Variants in NOL4 observed in about 807,000 individuals in gnomAD.
The protein encoded by NOL4 is cancer/testis antigen 125.
NOL4 carries 17 observed loss-of-function variants against 75.9 expected under a neutral mutation model. That is an observed-to-expected ratio of 0.22 (90% confidence interval 0.15 to 0.34). The LOEUF is 0.34. NOL4 is among the 10% of genes least tolerant of loss of function. The pLI is 1.00. For missense variants in NOL4, 614 were observed against 793.5 expected (o/e 0.77, Z 2.72); for synonymous variants, 292 against 289.9 (o/e 1.01, Z -0.07).
intron 6 of NOL4, among the ~76,000 whole-genome samples, chr18:34,000,377 C>CTCTGTTGGGTATTTAGGATTCAACAT (rs1424354125): frequency 6.6e-6 from 1 of 152,168 alleles, no homozygotes; most frequent in African/African-American, 2.4e-5. Flanking sequence ...CGATTCAACA[C>CTCTGTTGGGTATTTAGGATTCAACAT]TCTGTTGGGT....
At chr18:33,931,966 T>G (rs1033491609) in intron 9 of NOL4, among the ~76,000 whole-genome samples, 2 of 152,010 alleles carry the variant, frequency 1.3e-5, no homozygotes, top group Non-Finnish European at 2.9e-5. Flanking sequence ...GTTTAGAAGT[T>G]TACCAGCAGT....
chr18:34,199,874 G>C (rs190544290), intron 1 of NOL4, among the ~76,000 whole-genome samples: 1 of 151,848 alleles, frequency 6.6e-6, no homozygotes, highest in Admixed American at 6.6e-5. Flanking sequence ...AGTTCAGAGA[G>C]GGAAGGAGAG....
intron 6 of NOL4, among the ~76,000 whole-genome samples, chr18:33,969,212 T>C (rs1473506056): frequency 2.0e-5 from 3 of 152,194 alleles, no homozygotes; most frequent in African/African-American, 7.2e-5. Context: ...ACTTAAATCT[T>C]CTCGCAATAT....
intron 1 of NOL4, 27 bp downstream of exon 1, chr18:34,222,963 A>C: frequency 1.9e-6 from 3 of 1,599,794 alleles, no homozygotes; most frequent in Non-Finnish European, 8.5e-7. Flanking sequence ...CCGGCAGACA[A>C]ATAACAGAGG....
intron 1 of NOL4, among the ~76,000 whole-genome samples, chr18:34,213,492 G>A (rs1433724123): frequency 3.3e-5 from 5 of 152,088 alleles, no homozygotes; most frequent in Non-Finnish European, 5.9e-5. Context: ...GTTTCACCAC[G>A]TTGGGCAGGA....
intron 2 of NOL4, among the ~76,000 whole-genome samples, chr18:34,126,861 T>C (rs1027582196): frequency 6.6e-6 from 1 of 152,060 alleles, no homozygotes; most frequent in Non-Finnish European, 1.5e-5. Context: ...AGTTCAAACA[T>C]GAGTGATATT....
intron 2 of NOL4, among the ~76,000 whole-genome samples, chr18:34,110,960 C>T (rs1163798233): frequency 6.6e-6 from 1 of 151,816 alleles, no homozygotes; most frequent in Admixed American, 6.6e-5. Context: ...ACTAGAAAAA[C>T]AATTCAATCA....
At chr18:34,188,488 CCTA>C (rs1232802272) in intron 1 of NOL4, among the ~76,000 whole-genome samples, 4 of 152,168 alleles carry the variant, frequency 2.6e-5, no homozygotes, top group Admixed American at 6.5e-5. Context: ...GTACACCTAA[CCTA>C]CTGAACATCA....
intron 8 of NOL4, among the ~76,000 whole-genome samples, chr18:33,945,126 A>T (rs1480282325): frequency 4.6e-5 from 7 of 151,894 alleles, no homozygotes; most frequent in African/African-American, 1.7e-4. Context: ...GTACATTATT[A>T]GATCTTTTGT....
chr18:33,881,585 C>T (rs1050060191), intron 10 of NOL4, among the ~76,000 whole-genome samples: 2 of 151,282 alleles, frequency 1.3e-5, no homozygotes, highest in African/African-American at 4.8e-5. Flanking sequence ...ACATTCCATG[C>T]TCATGGGTAG....
At chr18:33,927,803 G>A (rs2067434874) in intron 9 of NOL4, among the ~76,000 whole-genome samples, 1 of 151,956 alleles carries the variant, frequency 6.6e-6, no homozygotes, top group South Asian at 2.1e-4. Flanking sequence ...ATGCCCCAAA[G>A]TGCTAAATAA....
intron 5 of NOL4, among the ~76,000 whole-genome samples, chr18:34,021,786 G>T (rs561238186): frequency 6.6e-6 from 1 of 152,158 alleles, no homozygotes; most frequent in South Asian, 2.1e-4. Context: ...AATGGAATAG[G>T]CAAGAGTCTA....
At chr18:33,878,594 T>C (rs2064071344) in intron 10 of NOL4, among the ~76,000 whole-genome samples, 1 of 152,100 alleles carries the variant, frequency 6.6e-6, no homozygotes, top group South Asian at 2.1e-4. Context: ...CTTCCAGCAC[T>C]GTAAACTAAG....
At chr18:34,100,937 T>C (rs2079016832) in intron 4 of NOL4, among the ~76,000 whole-genome samples, 1 of 152,198 alleles carries the variant, frequency 6.6e-6, no homozygotes, top group Non-Finnish European at 1.5e-5. Context: ...AAATGTTTTC[T>C]ACCCACAGTT....
intron 9 of NOL4, 97 bp downstream of exon 9, chr18:33,942,968 A>G (rs2068595033): frequency 3.7e-6 from 3 of 806,460 alleles, no homozygotes; most frequent in Middle Eastern, 4.7e-4. Context: ...GTGTACTTTA[A>G]ATCCATTCAA....
intron 1 of NOL4, among the ~76,000 whole-genome samples, chr18:34,144,586 T>A (rs1026595157): frequency 3.3e-5 from 5 of 152,160 alleles, no homozygotes; most frequent in African/African-American, 1.2e-4. Flanking sequence ...AATGATGGGT[T>A]TATTTAAAGT....
At chr18:34,007,083 A>G (rs773100845) in intron 6 of NOL4, among the ~76,000 whole-genome samples, 11 of 152,024 alleles carry the variant, frequency 7.2e-5, no homozygotes, top group Non-Finnish European at 1.3e-4. Context: ...ACCAGGAGAC[A>G]CAACAATGAT....
At chr18:34,145,270 G>A (rs1414069629) in intron 1 of NOL4, among the ~76,000 whole-genome samples, 1 of 151,932 alleles carries the variant, frequency 6.6e-6, no homozygotes, top group Non-Finnish European at 1.5e-5. Flanking sequence ...AGGACTCAAT[G>A]AATGAAAATA....
chr18:34,066,122 G>A (rs1383896870), intron 5 of NOL4, among the ~76,000 whole-genome samples: 4 of 151,650 alleles, frequency 2.6e-5, no homozygotes, highest in Non-Finnish European at 5.9e-5. Flanking sequence ...ATTTGTTTTG[G>A]GAATTTATAT....
Sources: allele counts gnomAD v4.1 joint callset (sites outside exome capture counted in the v4.1 genomes callset), GRCh38; gene constraint gnomAD v4.1.1; transcripts MANE v1.5; gene names NCBI Gene and HGNC (gene_info 2026-07-23, HGNC 2026-07-21).